The following DEPDC5 variants were observed in gnomAD, a reference collection of about 807,000 sequenced individuals.
The protein encoded by DEPDC5 is DEP domain containing 5, GATOR1 subcomplex subunit.
Under a neutral mutation model 217.3 loss-of-function variants are expected in DEPDC5, and 73 were observed. The ratio of observed to expected loss-of-function variants is 0.34; its 90% CI spans 0.28 to 0.41. The LOEUF is 0.41. Among genes scored for constraint, DEPDC5 ranks in the 10% least tolerant of loss-of-function variants. The pLI, the probability that DEPDC5 is intolerant of heterozygous loss-of-function variation, is 1.00. For synonymous variants in DEPDC5, 733 were observed against 756.7 expected, an observed-to-expected ratio of 0.97 and a Z score of 0.51; for missense variants, 1,675 against 2,070.1, an observed-to-expected ratio of 0.81 and a Z score of 3.70.
At chr22:31,851,952 A>G (rs2095027114) in intron 31 of DEPDC5, among the ~76,000 whole-genome samples, 1 of 152,154 alleles carries the variant, frequency 6.6e-6, no homozygotes, top group Non-Finnish European at 1.5e-5. Flanking sequence ...GCACGTTGGG[A>G]GACTGAGAGG....
intron 33 of DEPDC5, among the ~76,000 whole-genome samples, chr22:31,866,771 G>A (rs1390045653): frequency 1.3e-5 from 2 of 152,130 alleles, no homozygotes; most frequent in East Asian, 1.9e-4. Context: ...GGGTTTGTCC[G>A]AGGTTTTTTT....
At chr22:31,761,626 G>T (rs113079742) in intron 4 of DEPDC5, among the ~76,000 whole-genome samples, 2 of 144,310 alleles carry the variant, frequency 1.4e-5, no homozygotes, top group African/African-American at 5.2e-5. Context: ...CGGTGCCACC[G>T]CAGTCTAGCC....
At chr22:31,808,604 T>A (rs2087855824) in intron 18 of DEPDC5, among the ~76,000 whole-genome samples, 1 of 152,114 alleles carries the variant, frequency 6.6e-6, no homozygotes, top group Admixed American at 6.6e-5. Context: ...CCAGCTAATT[T>A]TTTGTGTTTT....
rs2093577149 is a variant in DEPDC5 at position 31,897,668 on chromosome 22, C to T, written c.4375+15C>T. The T allele has an allele frequency of 6.2e-7, 1 of 1,612,474 alleles. No homozygotes were observed. Among genetic ancestry groups the T allele is most frequent in the Non-Finnish European group, 8.5e-7 (1 of 1,179,074 alleles). On this transcript the variant is annotated intron_variant, in intron 40 of 42. Transcript: ENST00000651528. ...CCTGTTTGATAGTAAGAAATATTCCCTTCTGGAGGTTGTCTCAACCAGTAA... is the reference window on the plus strand; with the variant it reads ...CCTGTTTGATAGTAAGAAATATTCCTTTCTGGAGGTTGTCTCAACCAGTAA...
chr22:31,893,887 C>G, intron 39 of DEPDC5, 136 bp downstream of exon 39: 7 of 1,035,396 alleles, frequency 6.8e-6, no homozygotes, highest in Non-Finnish European at 9.0e-6. Flanking sequence ...TTGGAGTAAC[C>G]TTTTTAAAAA....
intron 18 of DEPDC5, among the ~76,000 whole-genome samples, chr22:31,807,983 A>G (rs1026793943): frequency 7.9e-5 from 12 of 152,186 alleles, no homozygotes; most frequent in African/African-American, 2.7e-4. Flanking sequence ...TCCTGACATA[A>G]GCCATGTCAG....
intron 7 of DEPDC5, among the ~76,000 whole-genome samples, chr22:31,770,945 G>A (rs2083299645): frequency 6.6e-6 from 1 of 150,974 alleles, no homozygotes; most frequent in South Asian, 2.1e-4. Flanking sequence ...ACCATGCCCG[G>A]CTAATTTTTG....
chr22:31,870,814 G>T, intron 34 of DEPDC5, 70 bp downstream of exon 34: 1 of 1,419,942 alleles, frequency 7.0e-7, no homozygotes, highest in Non-Finnish European at 9.3e-7. Flanking sequence ...GGCTGCAGAG[G>T]CTGAAGTCCA....
chr22:31,826,422 A>G (rs550824011), intron 24 of DEPDC5: 2 of 411,406 alleles, frequency 4.9e-6, no homozygotes, highest in East Asian at 1.8e-4. Context: ...CATATTTTGT[A>G]TTCCAGGCAT....
chr22:31,823,101 C>T, intron 24 of DEPDC5: 1 of 271,730 alleles, frequency 3.7e-6, no homozygotes, highest in East Asian at 8.6e-5. Context: ...GGTCTGTGCT[C>T]TAGAGGGACT....
intron 25 of DEPDC5, among the ~76,000 whole-genome samples, chr22:31,835,101 C>A (rs986905565): frequency 6.6e-6 from 1 of 151,972 alleles, no homozygotes; most frequent in South Asian, 2.1e-4. Context: ...GAGACCAGCC[C>A]GGGCAATATA....
At chr22:31,843,515 A>T in intron 28 of DEPDC5, 130 bp from the exon 29 acceptor site, 1 of 1,093,060 alleles carries the variant, frequency 9.1e-7, no homozygotes, top group Admixed American at 2.5e-5. Flanking sequence ...GTTCCCTGGG[A>T]TAAGTTGGTT....
chr22:31,777,489 T>C (rs1314286222), intron 7 of DEPDC5, among the ~76,000 whole-genome samples: 1 of 151,906 alleles, frequency 6.6e-6, no homozygotes, highest in Non-Finnish European at 1.5e-5. Context: ...CTCGAACTCC[T>C]GACCTCGTGA....
At chr22:31,873,184 G>T (rs533865818) in intron 34 of DEPDC5, 71 bp from the exon 35 acceptor site, 1 of 1,611,396 alleles carries the variant, frequency 6.2e-7, no homozygotes, top group African/African-American at 1.3e-5. Context: ...AGTGGAGACT[G>T]TTCCTAATAT....
At position 31,861,425 on chromosome 22, in the gene DEPDC5, TA is replaced by T. The variant is rs948091974; in HGVS notation, c.3323del (p.Tyr1108SerfsTer41). 6.4e-7 allele frequency: 1 copy of T among 1,551,428 alleles called. No homozygotes were observed. Among genetic ancestry groups the T allele is most frequent in the African/African-American group, 1.4e-5 (1 of 73,012 alleles). On this transcript the variant is annotated frameshift_variant, in exon 33 of 43. Transcript: ENST00000651528. LOFTEE classifies it high-confidence loss of function. ...CCCACGCACAGCATCGTCCGCCTTC[TA>T]CCCTCAGGTTAGTCCAACTCCAGGG... ...RSPRTASSAF[Y>X]PQVSVDQTAT...
Position 31,792,112 on chromosome 22 carries a change from T to G in DEPDC5, c.694+10T>G. 1 of 1,586,490 alleles carries G rather than the reference T, an allele frequency of 6.3e-7. No individual in the cohort carries two copies. The highest frequency in any genetic ancestry group is 8.6e-7 in the Non-Finnish European group (1 of 1,156,258). ...GATGCAAAATCTGTTGGTGAGTAAC[T>G]ATTTCTCTCCTACAGTTATGTTTTT... On this transcript the variant is annotated intron_variant, in intron 11 of 42. Transcript: ENST00000651528.
Position 31,874,388 on chromosome 22 carries a change from G to A in DEPDC5, c.3679G>A (p.Ala1227Thr). 1.2e-6 allele frequency: 2 copies of A among 1,612,332 alleles called. No homozygotes were observed. The highest frequency in any genetic ancestry group is 1.7e-6 in the Non-Finnish European group (2 of 1,179,334). Residue 1227 changes from alanine (A) to threonine (T), a missense_variant, in exon 36 of 43, where the codon GCC becomes ACC. Around this residue, in one of 11 missense-constraint regions of DEPDC5, gnomAD observed 194 missense variants for 199.3 expected, o/e 0.97. Coordinates refer to ENST00000651528, the MANE Select transcript of DEPDC5 (RefSeq NM_001242896.3). ...HVEGIQTQAM[A>T]IDIMQKMLEE... is the part of the protein sequence containing the mutation. ...GGAGGGGATCCAGACACAGGCGATG[G>A]CCATTGACATCATGCAGGTGAGACA...
At chr22:31,829,127 GTC>G (rs1204972358) in intron 24 of DEPDC5, among the ~76,000 whole-genome samples, 5 of 152,200 alleles carry the variant, frequency 3.3e-5, no homozygotes, top group African/African-American at 1.2e-4. Flanking sequence ...CAGAGCGGTT[GTC>G]TGGATCAAAA....
intron 10 of DEPDC5, among the ~76,000 whole-genome samples, chr22:31,790,733 CTCTTTTTTTTTT>C (rs1311119889): frequency 4.6e-5 from 7 of 150,732 alleles, no homozygotes; most frequent in Non-Finnish European, 1.0e-4. Context: ...AACCCTATCT[CTCTTTTTTTTTT>C]TCTTTTTTTT....
Sources: gnomAD v4.1 joint callset for allele counts (sites outside exome capture counted in the v4.1 genomes callset) on GRCh38, gnomAD v4.1.1 for gene constraint, gnomAD v4.1.1 regional missense constraint, MANE v1.5 for transcripts, NCBI Gene and HGNC (gene_info 2026-07-23, HGNC 2026-07-21) for gene names.